SEMA3A: variants seen among roughly 807,000 people sequenced by gnomAD.
SEMA3A encodes the protein semaphorin-3A.
In SEMA3A, 29 loss-of-function variants were observed where a neutral mutation model predicts 97.9. The ratio of observed to expected loss-of-function variants is 0.30; its 90% CI spans 0.22 to 0.40. SEMA3A has a LOEUF of 0.40. Ranked by LOEUF, SEMA3A falls within the 10% of genes least tolerant of loss-of-function variation. The pLI, the probability that SEMA3A is intolerant of heterozygous loss-of-function variation, is 1.00. For synonymous variants in SEMA3A, 321 were observed against 323.7 expected, an observed-to-expected ratio of 0.99 and a Z score of 0.09; for missense variants, 763 against 951.3, an observed-to-expected ratio of 0.80 and a Z score of 2.60.
At chr7:84,398,722 C>T (rs922586166) in intron 1 of SEMA3A, among the ~76,000 whole-genome samples, 1 of 151,894 alleles carries the variant, frequency 6.6e-6, no homozygotes, top group African/African-American at 2.4e-5. Flanking sequence ...GAAGGAGGAT[C>T]ACTAGAGCCC....
Position 84,065,260 on chromosome 7 carries a change from A to G in SEMA3A, c.454-4702T>C, listed in dbSNP as rs529497463. The stretch of plus-strand genomic sequence containing the variant: ...CAACATACCAGAATCTCTGGGACGC[A>G]TTCAAAGCAGTGTGTAGAGGGAAAT... On this transcript the variant is annotated intron_variant, in intron 4 of 16. Transcript: ENST00000265362. Among the ~76,000 whole-genome samples, 1,239 of 129,094 alleles carry G rather than the reference A, an allele frequency of 9.6e-3. 20 individuals are homozygous for G. The highest frequency in any genetic ancestry group is 0.036 in the African/African-American group (1,159 of 32,494). The allele number at this position is 129,094 out of a possible 152,430, so 84.7% of individuals were successfully genotyped here.
intron 1 of SEMA3A, among the ~76,000 whole-genome samples, chr7:84,158,598 AC>A (rs1796928008): frequency 6.6e-6 from 1 of 152,164 alleles, no homozygotes; most frequent in Non-Finnish European, 1.5e-5. Flanking sequence ...AATTTTGTGC[AC>A]TGCCCCTCTT....
intron 1 of SEMA3A, among the ~76,000 whole-genome samples, chr7:84,191,173 A>G (rs1457075847): frequency 2.0e-5 from 3 of 149,258 alleles, no homozygotes; most frequent in Non-Finnish European, 3.0e-5. Flanking sequence ...ACATATACAT[A>G]TGAGAATTTT....
chr7:83,968,688 T>C (rs1788803660), intron 15 of SEMA3A, among the ~76,000 whole-genome samples: 1 of 152,136 alleles, frequency 6.6e-6, no homozygotes, highest in Non-Finnish European at 1.5e-5. Flanking sequence ...CTTATCTTTA[T>C]TTTTACCAAA....
At chr7:84,181,319 A>AATAT (rs56661080) in intron 1 of SEMA3A, among the ~76,000 whole-genome samples, 4,029 of 144,658 alleles carry the variant, frequency 0.028, 107 homozygotes, top group East Asian at 0.14. Flanking sequence ...TAATGTTACA[A>AATAT]ATATATATAT....
At chr7:84,424,503 TATATAAATATTAATATATGTTATATATA>T (rs1804696702) in intron 1 of SEMA3A, among the ~76,000 whole-genome samples, 3 of 91,122 alleles carry the variant, frequency 3.3e-5, no homozygotes, top group African/African-American at 1.4e-4. Flanking sequence ...TAATATATAA[TATATAAATATTAATATATGTTATATATA>T]ATATATAAAT....
At chr7:84,421,713 G>A (rs755658790) in intron 1 of SEMA3A, among the ~76,000 whole-genome samples, 46 of 152,066 alleles carry the variant, frequency 3.0e-4, no homozygotes, top group Non-Finnish European at 6.3e-4. Context: ...TTTATAGAGA[G>A]TTTTTAGCAT....
chr7:84,379,690 A>G (rs1489415341), intron 1 of SEMA3A, among the ~76,000 whole-genome samples: 1 of 152,166 alleles, frequency 6.6e-6, no homozygotes, highest in Non-Finnish European at 1.5e-5. Flanking sequence ...AGCTGGGGAA[A>G]AAAAAAGAAA....
chr7:84,134,391 T>C (rs1172471220), intron 2 of SEMA3A, among the ~76,000 whole-genome samples: 6 of 152,206 alleles, frequency 3.9e-5, no homozygotes, highest in Non-Finnish European at 7.3e-5. Context: ...CATGCCAAAT[T>C]AGGCATGTGG....
chr7:84,002,875 T>C (rs1222127334), intron 11 of SEMA3A, among the ~76,000 whole-genome samples: 1 of 152,190 alleles, frequency 6.6e-6, no homozygotes, highest in Non-Finnish European at 1.5e-5. Flanking sequence ...TGACAAGAGT[T>C]GTCACTCTTA....
At chr7:84,209,787 A>C (rs1240883446) in intron 3 of SEMA3A, among the ~76,000 whole-genome samples, 1 of 152,192 alleles carries the variant, frequency 6.6e-6, no homozygotes, top group Non-Finnish European at 1.5e-5. Flanking sequence ...ACAACATATA[A>C]ATTTATTAAA....
chr7:84,264,884 T>C (rs924536331), intron 3 of SEMA3A, among the ~76,000 whole-genome samples: 9 of 152,176 alleles, frequency 5.9e-5, no homozygotes, highest in African/African-American at 2.2e-4. Flanking sequence ...CTAATAAGAT[T>C]TGAAGTTGTC....
At chr7:84,086,769 G>C (rs538984935) in intron 4 of SEMA3A, among the ~76,000 whole-genome samples, 262 of 150,282 alleles carry the variant, frequency 1.7e-3, no homozygotes, top group African/African-American at 5.8e-3. Flanking sequence ...CACCTTTCAA[G>C]TATTGGCTGT....
chr7:84,448,271 C>T (rs1467984568), intron 1 of SEMA3A, among the ~76,000 whole-genome samples: 3 of 152,148 alleles, frequency 2.0e-5, no homozygotes, highest in Non-Finnish European at 4.4e-5. Context: ...CGTGAAACTA[C>T]TTCTGTTTCA....
chr7:84,442,371 T>TATTG (rs984733548), intron 1 of SEMA3A, among the ~76,000 whole-genome samples: 2 of 152,138 alleles, frequency 1.3e-5, no homozygotes, highest in African/African-American at 4.8e-5. Flanking sequence ...GTTTGTATTT[T>TATTG]ATTGAAGTTA....
chr7:84,100,636 T>C (rs1402759407), intron 4 of SEMA3A, among the ~76,000 whole-genome samples: 1 of 152,150 alleles, frequency 6.6e-6, no homozygotes, highest in Non-Finnish European at 1.5e-5. Flanking sequence ...GTGAGCCCTT[T>C]GAGGGATGAT....
chr7:84,081,554 G>C (rs902964813), intron 4 of SEMA3A, among the ~76,000 whole-genome samples: 12 of 143,786 alleles, frequency 8.3e-5, no homozygotes, highest in Non-Finnish European at 1.0e-4. Flanking sequence ...GATCACGCCA[G>C]TGCACTGTAG....
chr7:84,067,355 A>G lies in SEMA3A; in HGVS notation c.454-6797T>C, dbSNP rs540530164. On this transcript the variant is annotated intron_variant, in intron 4 of 16. Transcript: ENST00000265362. ...CCTAGGCATTACCATTCAGGACATA[A>G]GCATGGGCAAGGACTTCATGTCTAA... 8.5e-3 allele frequency among the ~76,000 whole-genome samples: 1,291 copies of G among 152,132 alleles called. 18 individuals are homozygous for G. Among genetic ancestry groups the G allele is most frequent in the African/African-American group, 0.029 (1,182 of 41,452 alleles).
intron 1 of SEMA3A, among the ~76,000 whole-genome samples, chr7:84,430,048 A>C (rs1804939859): frequency 6.6e-6 from 1 of 151,994 alleles, no homozygotes; most frequent in Admixed American, 6.6e-5. Flanking sequence ...CAAAATGTTG[A>C]GTAGAGTGGG....
Sources: gnomAD v4.1 joint callset for allele counts (sites outside exome capture counted in the v4.1 genomes callset) on GRCh38, gnomAD v4.1.1 for gene constraint, MANE v1.5 for transcripts, NCBI Gene and HGNC (gene_info 2026-07-23, HGNC 2026-07-21) for gene names.